Variants in SLC7A1 observed in about 807,000 individuals in gnomAD.
The protein encoded by SLC7A1 is high affinity cationic amino acid transporter 1.
In SLC7A1, 10 loss-of-function variants were observed where a neutral mutation model predicts 53.9. The ratio of observed to expected loss-of-function variants is 0.19; its 90% CI spans 0.11 to 0.31. The LOEUF is 0.31. SLC7A1 is among the 10% of genes least tolerant of loss of function. The pLI, the probability that SLC7A1 is intolerant of heterozygous loss-of-function variation, is 1.00. For missense variants in SLC7A1, 525 were observed against 827.2 expected, an observed-to-expected ratio of 0.63 and a Z score of 4.48; for synonymous variants, 342 against 338.7, an observed-to-expected ratio of 1.01 and a Z score of -0.11.
chr13:29,523,349 G>A lies in SLC7A1; in HGVS notation c.966C>T (p.Pro322=). Reference sequence around the variant, plus strand: ...CCACGTGCTTAAAGGCGTCGGGCAGGGGGCTGTTATTGTCCAGGCAGAAGT... The same window carrying A: ...CCACGTGCTTAAAGGCGTCGGGCAGAGGGCTGTTATTGTCCAGGCAGAAGT... The part of the protein sequence containing the change: ...MPYFCLDNNS[P]LPDAFKHVGW... Residue 322 remains proline (P), a synonymous_variant, in exon 7 of 13, where the codon CCC becomes CCT. Coordinates refer to ENST00000380752, the MANE Select transcript of SLC7A1 (RefSeq NM_003045.5). The A allele has an allele frequency of 6.2e-7, 1 of 1,613,828 alleles. No individual in the cohort carries two copies. Among genetic ancestry groups the A allele is most frequent in the Non-Finnish European group, 8.5e-7 (1 of 1,180,022 alleles).
Position 29,512,129 on chromosome 13 carries a change from A to G in SLC7A1, c.*2351T>C, listed in dbSNP as rs1883411608. The stretch of plus-strand genomic sequence containing the variant: ...CCCCTGGCAAGTGCACAAAAACACT[A>G]CTCATAAAAGCACGGTGACCAGTGA... On this transcript the variant is annotated 3_prime_UTR_variant, in exon 13 of 13. Coordinates refer to ENST00000380752, the MANE Select transcript of SLC7A1 (RefSeq NM_003045.5). The G allele has an allele frequency of 6.6e-6, 1 of 152,156 alleles. No individual in the cohort carries two copies. The highest frequency in any genetic ancestry group is 1.5e-5 in the Non-Finnish European group (1 of 68,036). 9.4% of individuals were successfully genotyped at this position (152,156 alleles called of 1,614,324 possible).
Position 29,514,628 on chromosome 13 carries a change from C to G in SLC7A1, c.1787-45G>C, listed in dbSNP as rs376754569. The G allele has an allele frequency of 3.5e-4, 512 of 1,444,958 alleles. 3 individuals carry two copies. The African/African-American group carries it at 6.7e-3, about 19-fold the overall frequency. The allele number at this position is 1,444,958 out of a possible 1,614,324, so 89.5% of individuals were successfully genotyped here. ...ACGGGCGTGAACAGACCGCCGGTTGCACCACCGCAGGCAGGGCTCAGAGCC... is the reference window on the plus strand; with the variant it reads ...ACGGGCGTGAACAGACCGCCGGTTGGACCACCGCAGGCAGGGCTCAGAGCC... On this transcript the variant is annotated intron_variant, in intron 12 of 12. Coordinates refer to ENST00000380752, the MANE Select transcript of SLC7A1 (RefSeq NM_003045.5).
chr13:29,514,274 C>A lies in SLC7A1; in HGVS notation c.*206G>T, dbSNP rs1883486917. ...CAGCCTAGTGGCCCCGGCCAGGCAG[C>A]TGTCTGGAGGTGACCAGGGCCCGGA... On this transcript the variant is annotated 3_prime_UTR_variant, in exon 13 of 13. Coordinates refer to ENST00000380752, the MANE Select transcript of SLC7A1 (RefSeq NM_003045.5). 1.8e-6 allele frequency: 1 copy of A among 567,586 alleles called. No individual in the cohort carries two copies. The highest frequency in any genetic ancestry group is 2.2e-5 in the South Asian group (1 of 45,972). 35.2% of individuals were successfully genotyped at this position (567,586 alleles called of 1,614,324 possible).
intron 1 of SLC7A1, among the ~76,000 whole-genome samples, chr13:29,592,261 T>G (rs927537308): frequency 6.6e-6 from 1 of 152,208 alleles, no homozygotes; most frequent in Admixed American, 6.5e-5. Flanking sequence ...TTCCCCACTG[T>G]TCCTGACAAT....
chr13:29,550,241 C>T (rs570487941), intron 2 of SLC7A1, among the ~76,000 whole-genome samples: 1 of 152,330 alleles, frequency 6.6e-6, no homozygotes, highest in South Asian at 2.1e-4. Flanking sequence ...CCAGAGCCAC[C>T]CACCAGCCAG....
intron 1 of SLC7A1, among the ~76,000 whole-genome samples, chr13:29,589,392 A>C (rs1343800005): frequency 6.6e-6 from 1 of 152,264 alleles, no homozygotes; most frequent in Non-Finnish European, 1.5e-5. Flanking sequence ...TGGTCTGGGC[A>C]GGAGGCATTG....
At chr13:29,536,545 C>T (rs1182509702) in intron 2 of SLC7A1, among the ~76,000 whole-genome samples, 1 of 152,206 alleles carries the variant, frequency 6.6e-6, no homozygotes, top group Non-Finnish European at 1.5e-5. Flanking sequence ...TGTTCCTACA[C>T]TCAGTCATCA....
At chr13:29,522,208 A>G (rs1454625997) in intron 8 of SLC7A1, 109 bp downstream of exon 8, 2 of 1,125,780 alleles carry the variant, frequency 1.8e-6, no homozygotes, top group Non-Finnish European at 2.6e-6. Context: ...CAGGAGTTAA[A>G]AAGACCAGTT....
At chr13:29,536,334 G>T in intron 2 of SLC7A1, 132 bp from the exon 3 acceptor site, 1 of 944,716 alleles carries the variant, frequency 1.1e-6, no homozygotes, top group Non-Finnish European at 1.6e-6. Flanking sequence ...GCTTTAATTC[G>T]TAGAATTCCA....
chr13:29,540,432 C>T lies in SLC7A1; in HGVS notation c.-14-4230G>A, dbSNP rs138911091. Among the ~76,000 whole-genome samples, 339 of 152,266 alleles carry T rather than the reference C, an allele frequency of 2.2e-3. 1 individual carries two copies. Among genetic ancestry groups the T allele is most frequent in the African/African-American group, 7.9e-3 (328 of 41,542 alleles). On this transcript the variant is annotated intron_variant, in intron 2 of 12. Transcript: ENST00000380752. Reference sequence around the variant, plus strand: ...ACTCTGCATTCTATTCTAGTAACCACTACATAACACCAGGAGTAAAATGAC... The same window carrying T: ...ACTCTGCATTCTATTCTAGTAACCATTACATAACACCAGGAGTAAAATGAC...
intron 6 of SLC7A1, 38 bp from the exon 7 acceptor site, chr13:29,523,526 C>G (rs569606119): frequency 1.3e-5 from 19 of 1,488,360 alleles, no homozygotes; most frequent in Non-Finnish European, 1.7e-5. Flanking sequence ...GGGCACACAG[C>G]AAGAGGCAGT....
rs147552373 is a variant in SLC7A1, at chr13:29,515,092, C to T, written c.1787-509G>A. 2.5e-3 allele frequency among the ~76,000 whole-genome samples: 377 copies of T among 152,338 alleles called. 8 individuals are homozygous for T. The highest frequency in any genetic ancestry group is 0.012 in the East Asian group (64 of 5,178). The stretch of plus-strand genomic sequence containing the variant: ...TAGGAGTCCACAGCCTGTTCCTGCA[C>T]ACGGGACTCCAGGGTGGGTCCAGGA... On this transcript the variant is annotated intron_variant, in intron 12 of 12. Coordinates refer to ENST00000380752, the MANE Select transcript of SLC7A1 (RefSeq NM_003045.5).
At chr13:29,534,614 G>T (rs1004409433) in intron 3 of SLC7A1, among the ~76,000 whole-genome samples, 3 of 152,054 alleles carry the variant, frequency 2.0e-5, no homozygotes, top group African/African-American at 7.3e-5. Context: ...CCTGGTGAAG[G>T]GGGAGTGATG....
At chr13:29,522,598 C>A in intron 7 of SLC7A1, 142 bp from the exon 8 acceptor site, 1 of 767,696 alleles carries the variant, frequency 1.3e-6, no homozygotes, top group East Asian at 2.7e-5. Flanking sequence ...TGGGTGAGGC[C>A]TGTGGCTAAA....
chr13:29,589,522 G>A (rs1415558309), intron 1 of SLC7A1, among the ~76,000 whole-genome samples: 1 of 152,240 alleles, frequency 6.6e-6, no homozygotes, highest in African/African-American at 2.4e-5. Flanking sequence ...GCTGCCCCAA[G>A]GACCCCAGGG....
Position 29,517,250 on chromosome 13 carries a change from C to T in SLC7A1, c.1571G>A (p.Gly524Glu). The change falls in exon 11 of 13, where the codon GGG (glycine) becomes GAG (glutamate). Residue 524 changes from glycine to glutamate, a missense_variant. By Grantham distance (98) the Gly-to-Glu change is moderately conservative (BLOSUM62 -2). Coordinates refer to ENST00000380752, the MANE Select transcript of SLC7A1 (RefSeq NM_003045.5). ...TVLGREALTK[G>E]ALWAVFLLAG... The stretch of plus-strand genomic sequence containing the variant: ...GAGCAGAAAGACTGCCCACAGCGCC[C>T]CTTTGGTGAGAGCCTCCCTTCCAAG... 6.2e-7 allele frequency: 1 copy of T among 1,613,438 alleles called. No individual in the cohort carries two copies. Among genetic ancestry groups the T allele is most frequent in the Non-Finnish European group, 8.5e-7 (1 of 1,179,752 alleles).
intron 10 of SLC7A1, 69 bp from the exon 11 acceptor site, chr13:29,517,379 T>C (rs2490267): frequency 0.98 from 1,442,592 of 1,479,180 alleles, 703,877 homozygotes; most frequent in Non-Finnish European, 0.98. Flanking sequence ...GCATCCACTG[T>C]TCTCCCCTAA....
chr13:29,522,276 T>C (rs755222565), intron 8 of SLC7A1, 41 bp downstream of exon 8: 8 of 1,609,912 alleles, frequency 5.0e-6, no homozygotes, highest in Admixed American at 1.7e-5. Context: ...AATGACTCCA[T>C]TGTTAAAACA....
intron 9 of SLC7A1, among the ~76,000 whole-genome samples, chr13:29,518,743 AG>A (rs368294981): frequency 2.6e-5 from 4 of 152,102 alleles, no homozygotes; most frequent in African/African-American, 9.7e-5. Flanking sequence ...ATCCCTGAAA[AG>A]AAATGAGGAG....
Sources: gnomAD v4.1 joint callset for allele counts (sites outside exome capture counted in the v4.1 genomes callset) on GRCh38, gnomAD v4.1.1 for gene constraint, MANE v1.5 for transcripts, NCBI Gene and HGNC (gene_info 2026-07-23, HGNC 2026-07-21) for gene names.